MET: variants seen among roughly 807,000 people sequenced by gnomAD.
MET encodes the protein MET proto-oncogene, receptor tyrosine kinase, also known as hepatocyte growth factor receptor.
In MET, 48 loss-of-function variants were observed where a neutral mutation model predicts 133.1. That is an observed-to-expected ratio of 0.36 (90% CI 0.29 to 0.46). The LOEUF (loss-of-function observed/expected upper bound fraction) is 0.46, where lower values mean the gene tolerates loss of function less well. Among genes scored for constraint, MET ranks in the 20% least tolerant of loss-of-function variants. The pLI, the probability that MET is intolerant of heterozygous loss-of-function variation, is 1.00. For missense variants in MET, 1,442 were observed against 1,695.9 expected (o/e 0.85, Z 2.63); for synonymous variants, 628 against 616.5 (o/e 1.02, Z -0.28).
intron 11 of MET, among the ~76,000 whole-genome samples, chr7:116,767,982 G>A (rs929212431): frequency 8.8e-4 from 131 of 149,662 alleles, no homozygotes; most frequent in South Asian, 1.7e-3. Flanking sequence ...ATATGTGTGT[G>A]TGTGTGTGTG....
At chr7:116,730,808 C>T (rs1004428230) in intron 2 of MET, among the ~76,000 whole-genome samples, 1 of 152,046 alleles carries the variant, frequency 6.6e-6, no homozygotes, top group African/African-American at 2.4e-5. Flanking sequence ...CTAGGATGGG[C>T]ATGTTGTTGA....
chr7:116,777,095 G>A (rs1795016656), intron 15 of MET, among the ~76,000 whole-genome samples: 1 of 152,100 alleles, frequency 6.6e-6, no homozygotes, highest in Non-Finnish European at 1.5e-5. Context: ...TGGTTCCACT[G>A]TGGTTGAATA....
chr7:116,775,889 T>C (rs992460190), intron 15 of MET, among the ~76,000 whole-genome samples: 19 of 152,180 alleles, frequency 1.2e-4, no homozygotes, highest in African/African-American at 4.6e-4. Flanking sequence ...ATTCTCCTGA[T>C]CTAAAGCAAC....
intron 5 of MET, 37 bp from the exon 6 acceptor site, chr7:116,755,318 A>G (rs765480608): frequency 9.3e-6 from 15 of 1,608,164 alleles, no homozygotes; most frequent in Non-Finnish European, 7.7e-6. Context: ...ATTATAATAT[A>G]TTGGGTTTTT....
chr7:116,677,400 C>A (rs1477858346), intron 1 of MET, among the ~76,000 whole-genome samples: 1 of 152,214 alleles, frequency 6.6e-6, no homozygotes, highest in South Asian at 2.1e-4. Context: ...GGAAAACTAA[C>A]CATTTCACTA....
intron 5 of MET, among the ~76,000 whole-genome samples, chr7:116,744,564 T>C (rs1158469759): frequency 6.6e-6 from 1 of 152,166 alleles, no homozygotes; most frequent in Non-Finnish European, 1.5e-5. Flanking sequence ...CTACATTTGA[T>C]TGGTGTACCT....
chr7:116,777,189 G>A (rs1288152479), intron 15 of MET, among the ~76,000 whole-genome samples, 200 bp from the exon 16 acceptor site: 1 of 152,094 alleles, frequency 6.6e-6, no homozygotes, highest in Non-Finnish European at 1.5e-5. Flanking sequence ...ATATCCTTGG[G>A]TGAAATGTGT....
chr7:116,796,312 G>A lies in MET; in HGVS notation c.*188G>A, dbSNP rs1051665582. ...ACAGAGCATCAGAACCAGAGGCTTG[G>A]TCCCACAGGCCACGGACCAATGGCC... is the stretch of plus-strand genomic sequence containing the variant. On this transcript the variant is annotated 3_prime_UTR_variant, in exon 21 of 21. Transcript: ENST00000397752. The A allele has an allele frequency of 6.2e-6, 4 of 643,122 alleles. No homozygotes were observed. The South Asian group carries it at 7.3e-5, about 12-fold the overall frequency. The allele number at this position is 643,122 out of a possible 1,614,324, so 39.8% of individuals were successfully genotyped here. A position where few individuals can be genotyped will look rare whatever the true frequency, so the allele number is the denominator to read the frequency against.
At chr7:116,740,782 T>A in intron 4 of MET, 70 bp from the exon 5 acceptor site, 2 of 1,567,542 alleles carry the variant, frequency 1.3e-6, no homozygotes, top group South Asian at 1.1e-5. Context: ...ACCTTTTGTG[T>A]ACTTACTTTA....
At chr7:116,784,198 A>G (rs1329468294) in intron 19 of MET, among the ~76,000 whole-genome samples, 1 of 152,220 alleles carries the variant, frequency 6.6e-6, no homozygotes, top group East Asian at 1.9e-4. Context: ...TTTGGCAAGA[A>G]CAGAACACAG....
At chr7:116,687,854 A>C (rs1156265004) in intron 1 of MET, among the ~76,000 whole-genome samples, 8 of 151,986 alleles carry the variant, frequency 5.3e-5, no homozygotes, top group Non-Finnish European at 1.2e-4. Context: ...GCACCCTCAC[A>C]CCTCTCCCCT....
intron 2 of MET, among the ~76,000 whole-genome samples, chr7:116,713,956 G>T (rs1209063164): frequency 6.6e-6 from 1 of 152,184 alleles, no homozygotes; most frequent in Non-Finnish European, 1.5e-5. Flanking sequence ...AATTGGTGTT[G>T]TGTCTTCTGA....
chr7:116,702,379 G>A (rs1408020593), intron 2 of MET, among the ~76,000 whole-genome samples: 1 of 151,790 alleles, frequency 6.6e-6, no homozygotes, highest in African/African-American at 2.4e-5. Context: ...CTGAGACTGA[G>A]ACTACACATA....
chr7:116,785,803 A>T (rs1351811919), intron 19 of MET, among the ~76,000 whole-genome samples: 1 of 150,938 alleles, frequency 6.6e-6, no homozygotes. Context: ...GGAATTGATA[A>T]AAAGTCAAAG....
At chr7:116,739,889 T>C in intron 3 of MET, 61 bp from the exon 4 acceptor site, 1 of 1,611,358 alleles carries the variant, frequency 6.2e-7, no homozygotes, top group East Asian at 2.2e-5. Flanking sequence ...ATCTACATTT[T>C]CCACTTATAT....
At chr7:116,759,168 A>G (rs931649534) in intron 9 of MET, among the ~76,000 whole-genome samples, 1 of 152,244 alleles carries the variant, frequency 6.6e-6, no homozygotes, top group Admixed American at 6.5e-5. Flanking sequence ...AATTCGGTGA[A>G]TAAAATACAA....
At chr7:116,736,486 G>A (rs1226309949) in intron 3 of MET, among the ~76,000 whole-genome samples, 1 of 151,866 alleles carries the variant, frequency 6.6e-6, no homozygotes, top group Non-Finnish European at 1.5e-5. Context: ...TTAATAAAAC[G>A]GTTTAATTAA....
intron 1 of MET, among the ~76,000 whole-genome samples, chr7:116,697,078 A>T (rs1181371607): frequency 2.0e-5 from 3 of 152,160 alleles, no homozygotes; most frequent in African/African-American, 7.2e-5. Context: ...CCAGCAGCAC[A>T]CCCGACTCAA....
At chr7:116,675,716 G>A (rs1298757306) in intron 1 of MET, among the ~76,000 whole-genome samples, 3 of 151,738 alleles carry the variant, frequency 2.0e-5, no homozygotes, top group Non-Finnish European at 4.4e-5. Flanking sequence ...CTAGTCCCTG[G>A]AGTTTTTGTC....
Sources: gnomAD v4.1 joint callset for allele counts (sites outside exome capture counted in the v4.1 genomes callset) on GRCh38, gnomAD v4.1.1 for gene constraint, MANE v1.5 for transcripts, NCBI Gene and HGNC (gene_info 2026-07-23, HGNC 2026-07-21) for gene names.